The following PDZRN3 variants were observed in gnomAD, a reference collection of about 807,000 sequenced individuals.
The protein encoded by PDZRN3 is E3 ubiquitin-protein ligase PDZRN3.
Under a neutral mutation model 85.7 loss-of-function variants are expected in PDZRN3, and 38 were observed. The ratio of observed to expected loss-of-function variants is 0.44; its 90% confidence interval spans 0.34 to 0.58. The LOEUF is 0.58. Among genes scored for constraint, PDZRN3 ranks in the 20% least tolerant of loss-of-function variants. The pLI, the probability that PDZRN3 is intolerant of heterozygous loss-of-function variation, is 0.01. For synonymous variants in PDZRN3, 759 were observed against 638.0 expected (o/e 1.19, Z -2.86); for missense variants, 1,629 against 1,506.4 (o/e 1.08, Z -1.35).
At chr3:73,466,953 G>A (rs62246082) in intron 3 of PDZRN3, among the ~76,000 whole-genome samples, 41,503 of 151,992 alleles carry the variant, frequency 0.27, 7,036 homozygotes, top group African/African-American at 0.49. Flanking sequence ...TCTGTAGGAC[G>A]TTTGGGTAGA....
chr3:73,435,472 T>G (rs1180461973), intron 3 of PDZRN3, among the ~76,000 whole-genome samples: 1 of 152,188 alleles, frequency 6.6e-6, no homozygotes, highest in African/African-American at 2.4e-5. Flanking sequence ...TCTGGTCTCT[T>G]AATCTCTAAA....
At chr3:73,408,374 G>C in intron 3 of PDZRN3, 1 of 601,912 alleles carries the variant, frequency 1.7e-6, no homozygotes, top group Non-Finnish European at 3.0e-6. Flanking sequence ...TCCAGTGCTC[G>C]TGGGGATCCT....
chr3:73,622,163 C>T lies in PDZRN3; in HGVS notation c.723+1940G>A, dbSNP rs546014623. 1.5e-4 allele frequency among the ~76,000 whole-genome samples: 23 copies of T among 152,306 alleles called. No individual in the cohort carries two copies. In the South Asian group the frequency reaches 4.6e-3, roughly 30 times the overall value. The stretch of plus-strand genomic sequence containing the variant: ...TCTGTTTTGGTGATTCGAAGGCTCA[C>T]ACCAGTCTTTTGTGTGCCTGTGAGG... On this transcript the variant is annotated intron_variant, in intron 1 of 9. Coordinates refer to ENST00000263666, the MANE Select transcript of PDZRN3 (RefSeq NM_015009.3).
At chr3:73,448,118 G>A (rs186941175) in intron 3 of PDZRN3, among the ~76,000 whole-genome samples, 72 of 152,108 alleles carry the variant, frequency 4.7e-4, no homozygotes, top group Admixed American at 2.6e-3. Context: ...TTCATCACCC[G>A]TAAATAAGCA....
intron 3 of PDZRN3, among the ~76,000 whole-genome samples, chr3:73,447,831 C>T (rs1223269865): frequency 3.3e-5 from 5 of 152,142 alleles, no homozygotes; most frequent in African/African-American, 1.2e-4. Flanking sequence ...AACACCTGAC[C>T]CTGTTGACTC....
intron 3 of PDZRN3, among the ~76,000 whole-genome samples, chr3:73,467,140 T>C (rs575080903): frequency 3.9e-5 from 6 of 152,286 alleles, no homozygotes; most frequent in Admixed American, 3.9e-4. Flanking sequence ...TTCAGGTTGG[T>C]GATCTCAAGG....
At chr3:73,582,326 G>A (rs972461005) in intron 3 of PDZRN3, among the ~76,000 whole-genome samples, 5 of 151,766 alleles carry the variant, frequency 3.3e-5, no homozygotes, top group Non-Finnish European at 5.9e-5. Context: ...TCTGGGGGAT[G>A]GTGCATTGAA....
At chr3:73,386,398 T>C (rs1336690330) in intron 8 of PDZRN3, among the ~76,000 whole-genome samples, 1 of 152,038 alleles carries the variant, frequency 6.6e-6, no homozygotes, top group African/African-American at 2.4e-5. Flanking sequence ...GGTTTCACCA[T>C]GTTGGCCAGG....
At chr3:73,481,406 T>G (rs1460729359) in intron 3 of PDZRN3, among the ~76,000 whole-genome samples, 1 of 151,684 alleles carries the variant, frequency 6.6e-6, no homozygotes, top group Non-Finnish European at 1.5e-5. Flanking sequence ...TGCAATGGTG[T>G]GATCTCGGCT....
chr3:73,531,578 C>T (rs1413844139), intron 3 of PDZRN3, among the ~76,000 whole-genome samples: 1 of 152,142 alleles, frequency 6.6e-6, no homozygotes, highest in Non-Finnish European at 1.5e-5. Context: ...TTAGTTGCTA[C>T]CAAAGCTGCA....
intron 3 of PDZRN3, among the ~76,000 whole-genome samples, chr3:73,406,697 T>C (rs888345729): frequency 6.6e-6 from 1 of 152,192 alleles, no homozygotes; most frequent in African/African-American, 2.4e-5. Flanking sequence ...TTCTTCTATT[T>C]AACAGTATAC....
chr3:73,441,411 C>A (rs1375870255), intron 3 of PDZRN3, among the ~76,000 whole-genome samples: 147 of 68,126 alleles, frequency 2.2e-3, no homozygotes, highest in Admixed American at 2.5e-3. Flanking sequence ...GACTCTGTCC[C>A]AAAAAAAAAA....
chr3:73,441,360 C>G (rs1702631688), intron 3 of PDZRN3, among the ~76,000 whole-genome samples: 3 of 127,662 alleles, frequency 2.3e-5, no homozygotes, highest in African/African-American at 6.1e-5. Context: ...TTGCTGTGAG[C>G]TGAGGTCGCA....
Position 73,393,813 on chromosome 3 carries a change from T to C in PDZRN3, c.1255-2697A>G, listed in dbSNP as rs189086599. ...CTGTTATGTAGAAAACGATTAGATT[T>C]ATTTGGCCTACTACCAAACATGTAG... On this transcript the variant is annotated intron_variant, in intron 5 of 9. Transcript: ENST00000263666. 1.6e-3 allele frequency among the ~76,000 whole-genome samples: 242 copies of C among 152,174 alleles called. 1 individual carries two copies. The highest frequency in any genetic ancestry group is 4.8e-3 in the African/African-American group (199 of 41,566).
Position 73,624,164 on chromosome 3 carries a change from G to A in PDZRN3, c.662C>T (p.Thr221Ile), listed in dbSNP as rs761999901. 2.3e-5 allele frequency: 35 copies of A among 1,503,038 alleles called. No homozygotes were observed. The African/African-American group carries it at 2.9e-4, about 12-fold the overall frequency. 93.1% of individuals were successfully genotyped at this position (1,503,038 alleles called of 1,614,324 possible). A position where few individuals can be genotyped will look rare whatever the true frequency, so the allele number is the denominator to read the frequency against. Residue 221 changes from threonine to isoleucine, a missense_variant, in exon 1 of 10, where the codon ACC (threonine) becomes ATC (isoleucine). By Grantham distance (89) the Thr-to-Ile change is moderately conservative. Coordinates refer to ENST00000263666, the MANE Select transcript of PDZRN3 (RefSeq NM_015009.3). Reference sequence around the variant, plus strand: ...CGAGTCGAGGCGCGCGCTGTATTCGGTGAATTTCTTCTGGTAGCGCAGCGC... The same window carrying A: ...CGAGTCGAGGCGCGCGCTGTATTCGATGAATTTCTTCTGGTAGCGCAGCGC... The part of the protein sequence containing the change: ...MTALRYQKKF[T>I]EYSARLDSLS...
intron 3 of PDZRN3, among the ~76,000 whole-genome samples, chr3:73,481,375 C>T (rs1346620794): frequency 6.6e-6 from 1 of 151,426 alleles, no homozygotes; most frequent in East Asian, 2.0e-4. Flanking sequence ...TGGAGTTTCA[C>T]TCTTGTTGCC....
intron 3 of PDZRN3, among the ~76,000 whole-genome samples, chr3:73,482,692 T>C (rs1029186540): frequency 1.8e-4 from 27 of 152,210 alleles, no homozygotes; most frequent in Admixed American, 2.6e-4. Context: ...GGTAGTGCCC[T>C]TGGATATCCT....
chr3:73,421,693 G>C (rs1702205968), intron 3 of PDZRN3, among the ~76,000 whole-genome samples: 1 of 152,170 alleles, frequency 6.6e-6, no homozygotes, highest in African/African-American at 2.4e-5. Context: ...CTGTTGCCAG[G>C]CTGGAGTGCA....
chr3:73,473,523 TG>T (rs1406291300), intron 3 of PDZRN3, among the ~76,000 whole-genome samples: 2 of 152,052 alleles, frequency 1.3e-5, no homozygotes, highest in East Asian at 3.9e-4. Flanking sequence ...ATAGGAATTA[TG>T]GGGTAGGTGA....
Sources: gnomAD v4.1 joint callset for allele counts (sites outside exome capture counted in the v4.1 genomes callset) on GRCh38, gnomAD v4.1.1 for gene constraint, MANE v1.5 for transcripts, NCBI Gene and HGNC (gene_info 2026-07-23, HGNC 2026-07-21) for gene names.